The following ADH7 variants were observed in gnomAD, a reference collection of about 807,000 sequenced individuals.
ADH7 encodes the protein alcohol dehydrogenase 7 (class IV), mu or sigma polypeptide, also known as all-trans-retinol dehydrogenase [NAD(+)] ADH7.
ADH7 carries 41 observed loss-of-function variants against 34.4 expected under a neutral mutation model. The ratio of observed to expected loss-of-function variants is 1.19; its 90% confidence interval spans 0.93 to 1.55. The LOEUF (loss-of-function observed/expected upper bound fraction) is 1.55. Among genes scored for constraint, ADH7 ranks in the 40% most tolerant of loss-of-function variants. The probability of loss-of-function intolerance (pLI) is 0.00; values close to 1 mark genes in which losing one functional copy is unlikely to be tolerated. For missense variants in ADH7, 540 were observed against 461.2 expected, an observed-to-expected ratio of 1.17 and a Z score of -1.56; for synonymous variants, 180 against 160.9, an observed-to-expected ratio of 1.12 and a Z score of -0.90.
intron 5 of ADH7, among the ~76,000 whole-genome samples, chr4:99,427,412 C>G (rs1721834179): frequency 1.3e-5 from 2 of 152,094 alleles, no homozygotes; most frequent in South Asian, 4.1e-4. Context: ...TCTTACTTAG[C>G]TGACAAGAAA....
At chr4:99,416,104 C>A (rs1188990415) in intron 7 of ADH7, among the ~76,000 whole-genome samples, 1 of 151,842 alleles carries the variant, frequency 6.6e-6, no homozygotes. Context: ...CGAACCTGCA[C>A]GTTCTGCACA....
chr4:99,434,905 T>C (rs759580196), intron 1 of ADH7: 5 of 800,760 alleles, frequency 6.2e-6, no homozygotes, highest in Non-Finnish European at 1.0e-5. Flanking sequence ...TGGAAACATT[T>C]GGCTTCCTGG....
rs1406190292 is a variant in ADH7, at chr4:99,413,157, C to T, written c.1116G>A (p.Leu372=). Reference sequence around the variant, plus strand: ...CCTGCCACTTTGGATCTCAAAACGTCAGGACCGTTCGAATGCTGAAATGTA... The same window carrying T: ...CCTGCCACTTTGGATCTCAAAACGTTAGGACCGTTCGAATGCTGAAATGTA... ...LNSGQSIRTV[L]TF is the part of the protein sequence containing the mutation. Residue 372 remains leucine (L), a synonymous_variant, in exon 9 of 9, where the codon CTG becomes CTA. Transcript: ENST00000437033. 2 of 1,613,572 alleles carry T rather than the reference C, an allele frequency of 1.2e-6. No individual in the cohort carries two copies. The highest frequency in any genetic ancestry group is 4.5e-5 in the East Asian group (2 of 44,842).
Position 99,420,711 on chromosome 4 carries a change from G to T in ADH7, c.647C>A (p.Ala216Glu). The part of the protein sequence containing the change: ...SVIMGCKSAG[A>E]SRIIGIDLNK... ...GAGGTCAATCCCAATGATCCTAGAT[G>T]CACCAGCTGACTTACAGCCCATGAT... The change falls in exon 6 of 9, where the codon GCA becomes GAA. Residue 216 changes from alanine (A) to glutamate (E), a missense_variant. Ala to Glu is a moderately radical substitution (Grantham distance 107). Transcript: ENST00000437033. 6.2e-7 allele frequency: 1 copy of T among 1,613,914 alleles called. No homozygotes were observed. Among genetic ancestry groups the T allele is most frequent in the African/African-American group, 1.3e-5 (1 of 75,006 alleles).
chr4:99,415,252 T>C (rs1158724146), intron 8 of ADH7: 2 of 483,498 alleles, frequency 4.1e-6, no homozygotes, highest in Non-Finnish European at 7.3e-6. Flanking sequence ...TGTGAGTCAA[T>C]TGAATCTGTT....
At position 99,427,769 on chromosome 4, in the gene ADH7, T is replaced by C. The variant is rs746265720; in HGVS notation, c.564+4A>G. 3 of 1,525,524 alleles carry C rather than the reference T, an allele frequency of 2.0e-6. No individual in the cohort carries two copies. The Admixed American group carries it at 6.4e-5, about 32-fold the overall frequency. The allele number at this position is 1,525,524 out of a possible 1,614,324, so 94.5% of individuals were successfully genotyped here. The stretch of plus-strand genomic sequence containing the variant: ...CAAATAAACTAGCCTACCCTGTTTC[T>C]TACCTTGCCAGTTTTAACAGCAGCG... On this transcript the variant is annotated splice_donor_region_variant and intron_variant, in intron 5 of 8. Transcript: ENST00000437033.
chr4:99,428,011 C>G, intron 4 of ADH7, 22 bp from the exon 5 acceptor site: 1 of 1,611,882 alleles, frequency 6.2e-7, no homozygotes, highest in Non-Finnish European at 8.5e-7. Flanking sequence ...ATCAAATACA[C>G]GTATTAATTA....
chr4:99,429,702 T>C, intron 1 of ADH7, 69 bp from the exon 2 acceptor site: 1 of 1,085,916 alleles, frequency 9.2e-7, no homozygotes, highest in Non-Finnish European at 1.3e-6. Flanking sequence ...CTGACTAGTA[T>C]AAATATGAAC....
intron 2 of ADH7, among the ~76,000 whole-genome samples, chr4:99,429,218 C>G (rs767945295): frequency 6.6e-6 from 1 of 152,078 alleles, no homozygotes; most frequent in African/African-American, 2.4e-5. Context: ...AATCTGACTC[C>G]CAGAAGATTT....
rs182417760 is a variant in ADH7, at chr4:99,424,955, C to G, written c.564+2818G>C. ...GAGAGGGTATCCCTGTCTTGTGCCA[C>G]TTTTCAAAGGGAATGCTTCCAGTTT... On this transcript the variant is annotated intron_variant, in intron 5 of 8. Transcript: ENST00000437033. Among the ~76,000 whole-genome samples the G allele has an allele frequency of 4.2e-3, 643 of 151,984 alleles. 8 individuals are homozygous for G. The highest frequency in any genetic ancestry group is 0.014 in the African/African-American group (580 of 41,448).
chr4:99,423,128 T>C (rs1721707336), intron 5 of ADH7, among the ~76,000 whole-genome samples: 1 of 149,946 alleles, frequency 6.7e-6, no homozygotes, highest in Non-Finnish European at 1.5e-5. Context: ...ACATGCGGTG[T>C]TTGTTTTTTT....
rs781682064 is a variant in ADH7, at chr4:99,427,861, T to C, written c.476A>G (p.Lys159Arg). Residue 159 changes from lysine to arginine, a missense_variant, in exon 5 of 9, where the codon AAG becomes AGG. Lys to Arg is a conservative substitution (Grantham distance 26, BLOSUM62 2). Transcript: ENST00000437033. ...CTCAGGAGGAGCTGCATCATCAATCTTAGCAACAGAAGATTCATCCACCAC... is the reference window on the plus strand; with the variant it reads ...CTCAGGAGGAGCTGCATCATCAATCCTAGCAACAGAAGATTCATCCACCAC... Reference protein sequence around the residue: ...YTVVDESSVAKIDDAAPPEKV... With the variant: ...YTVVDESSVARIDDAAPPEKV... 3.3e-5 allele frequency: 53 copies of C among 1,613,360 alleles called. No homozygotes were observed. The highest frequency in any genetic ancestry group is 9.3e-5 in the African/African-American group (7 of 74,906).
Position 99,427,680 on chromosome 4 carries a change from G to GTTT in ADH7, c.564+90_564+92dup, listed in dbSNP as rs11480228. The GTTT allele has an allele frequency of 4.4e-4, 354 of 804,210 alleles. 1 individual carries two copies. The highest frequency in any genetic ancestry group is 3.1e-3 in the African/African-American group (168 of 54,552). The allele number at this position is 804,210 out of a possible 1,614,324, so 49.8% of individuals were successfully genotyped here. On this transcript the variant is annotated intron_variant, in intron 5 of 8. Coordinates refer to ENST00000437033, the MANE Select transcript of ADH7 (RefSeq NM_000673.7). ...GAATATGCAATACATTCTTTTAAAT[G>GTTT]TTTTTTTTTTTTCCAAAACTCTTCA... is the stretch of plus-strand genomic sequence containing the variant.
intron 5 of ADH7, among the ~76,000 whole-genome samples, chr4:99,423,078 C>G (rs1721705871): frequency 7.2e-6 from 1 of 138,092 alleles, no homozygotes; most frequent in Admixed American, 7.5e-5. Flanking sequence ...CTTCCTGTGT[C>G]CATGTGTTCT....
intron 1 of ADH7, chr4:99,430,249 C>T (rs1242640812): frequency 6.6e-6 from 1 of 152,222 alleles, no homozygotes; most frequent in South Asian, 2.1e-4. Flanking sequence ...GCACCTAGCC[C>T]AGTTCTTGCA....
In ADH7 at chr4:99,420,585, G is replaced by A. The variant is rs576525742; in HGVS notation, c.773C>T (p.Thr258Ile). 8 of 1,613,922 alleles carry A rather than the reference G, an allele frequency of 5.0e-6. No homozygotes were observed. In the East Asian group the frequency reaches 1.6e-4, roughly 31 times the overall value. ...AAAGGTGTATCCCACGTTGTTGCCTGTCATTTCTGACAGCACCTCACTGAT... is the reference window on the plus strand; with the variant it reads ...AAAGGTGTATCCCACGTTGTTGCCTATCATTTCTGACAGCACCTCACTGAT... ...KPISEVLSEMTGNNVGYTFEV... is the reference protein window; with the variant it reads ...KPISEVLSEMIGNNVGYTFEV... Residue 258 changes from threonine (T) to isoleucine (I), a missense_variant, in exon 6 of 9, where the codon ACA becomes ATA. Thr to Ile is a moderately conservative substitution (Grantham distance 89). Transcript: ENST00000437033.
At chr4:99,431,384 G>A (rs1159539032) in intron 1 of ADH7, among the ~76,000 whole-genome samples, 1 of 152,042 alleles carries the variant, frequency 6.6e-6, no homozygotes, top group African/African-American at 2.4e-5. Flanking sequence ...ATAACTTAGG[G>A]AATACCATTC....
At chr4:99,414,228 A>G (rs1485039674) in intron 8 of ADH7, among the ~76,000 whole-genome samples, 1 of 152,140 alleles carries the variant, frequency 6.6e-6, no homozygotes, top group Non-Finnish European at 1.5e-5. Flanking sequence ...CCCATTGTTT[A>G]CTTGCTTAAA....
chr4:99,418,794 G>C (rs908828503), intron 7 of ADH7, among the ~76,000 whole-genome samples, 192 bp downstream of exon 7: 1 of 152,082 alleles, frequency 6.6e-6, no homozygotes, highest in South Asian at 2.1e-4. Flanking sequence ...TTAAAAATGC[G>C]TCCACCAATA....
Sources: allele counts gnomAD v4.1 joint callset (sites outside exome capture counted in the v4.1 genomes callset), GRCh38; gene constraint gnomAD v4.1.1; transcripts MANE v1.5; gene names NCBI Gene and HGNC (gene_info 2026-07-23, HGNC 2026-07-21).